Variants in SERINC5 observed in about 807,000 individuals in gnomAD.
SERINC5 encodes serine incorporator 5, also known as chromosome 5 open reading frame 12.
In SERINC5, 41 loss-of-function variants were observed where a neutral mutation model predicts 63.1. The observed-to-expected ratio is 0.65, with a 90% CI of 0.51 to 0.84. The LOEUF is 0.84. SERINC5 is among the 40% of genes least tolerant of loss of function. The pLI, the probability that SERINC5 is intolerant of heterozygous loss-of-function variation, is 0.00. For missense variants in SERINC5, 523 were observed against 573.0 expected, an observed-to-expected ratio of 0.91 and a Z score of 0.89; for synonymous variants, 222 against 215.2, an observed-to-expected ratio of 1.03 and a Z score of -0.28.
intron 1 of SERINC5, among the ~76,000 whole-genome samples, chr5:80,249,998 G>C (rs896905706): frequency 2.6e-5 from 4 of 152,126 alleles, no homozygotes; most frequent in Non-Finnish European, 5.9e-5. Context: ...GAAGCACCAT[G>C]TAATATAATG....
intron 1 of SERINC5, among the ~76,000 whole-genome samples, chr5:80,245,860 C>A (rs1051465326): frequency 6.6e-6 from 1 of 151,682 alleles, no homozygotes; most frequent in African/African-American, 2.4e-5. Flanking sequence ...GGTGATCCAC[C>A]CGCCTCAGCC....
chr5:80,178,537 A>ATTTTTTTTTTTT (rs1182662594), intron 2 of SERINC5, among the ~76,000 whole-genome samples: 1 of 77,554 alleles, frequency 1.3e-5, no homozygotes, highest in African/African-American at 4.8e-5. Context: ...TAATTTTTGT[A>ATTTTTTTTTTTT]TTTTTTTTTT....
At chr5:80,220,699 T>A (rs960296832) in intron 1 of SERINC5, among the ~76,000 whole-genome samples, 2 of 151,968 alleles carry the variant, frequency 1.3e-5, no homozygotes, top group Non-Finnish European at 2.9e-5. Context: ...TCTGAGTCAC[T>A]GCCCTCCATG....
chr5:80,228,386 A>G (rs1751270318), intron 1 of SERINC5, among the ~76,000 whole-genome samples: 1 of 152,150 alleles, frequency 6.6e-6, no homozygotes, highest in South Asian at 2.1e-4. Flanking sequence ...TGAGTTTGGC[A>G]CTTGTAGTAT....
intron 8 of SERINC5, among the ~76,000 whole-genome samples, chr5:80,155,583 A>G (rs1192657961): frequency 1.3e-5 from 2 of 149,902 alleles, no homozygotes; most frequent in Non-Finnish European, 3.0e-5. Context: ...AAAAAAAAAA[A>G]GGAAGAAAGA....
intron 1 of SERINC5, among the ~76,000 whole-genome samples, chr5:80,242,658 G>A (rs1751997594): frequency 6.6e-6 from 1 of 152,204 alleles, no homozygotes; most frequent in Non-Finnish European, 1.5e-5. Context: ...GCTGAGGCAG[G>A]AGAATCACTT....
chr5:80,170,747 G>A (rs1389440650), intron 5 of SERINC5, among the ~76,000 whole-genome samples: 1 of 152,172 alleles, frequency 6.6e-6, no homozygotes, highest in Non-Finnish European at 1.5e-5. Flanking sequence ...CAGGAGAGGT[G>A]GCTCACACCT....
Position 80,228,996 on chromosome 5 carries a change from A to C in SERINC5, c.28-25943T>G, listed in dbSNP as rs1751296056. On this transcript the variant is annotated intron_variant, in intron 1 of 11. Coordinates refer to ENST00000507668, the MANE Select transcript of SERINC5 (RefSeq NM_001174072.3). ...AAATTCAGAGAATTTCTTTTTTCTCAAAATACCACCAATGTTTTACATACC... is the reference window on the plus strand; with the variant it reads ...AAATTCAGAGAATTTCTTTTTTCTCCAAATACCACCAATGTTTTACATACC... Among the ~76,000 whole-genome samples the C allele has an allele frequency of 4.3e-5, 6 of 139,298 alleles. No individual in the cohort carries two copies. The South Asian group carries it at 1.3e-3, about 30-fold the overall frequency. The allele number at this position is 139,298 out of a possible 152,430, so 91.4% of individuals were successfully genotyped here.
In SERINC5 at chr5:80,140,146, C is replaced by T; in HGVS notation, c.*3517G>A. 1.3e-6 allele frequency: 1 copy of T among 777,856 alleles called. No homozygotes were observed. The highest frequency in any genetic ancestry group is 5.9e-5 in the South Asian group (1 of 17,038). The allele number at this position is 777,856 out of a possible 1,614,324, so 48.2% of individuals were successfully genotyped here. A position where few individuals can be genotyped will look rare whatever the true frequency, so the allele number is the denominator to read the frequency against. On this transcript the variant is annotated 3_prime_UTR_variant, in exon 12 of 12. Transcript: ENST00000507668. ...GGAGTTTGAGACCAGCCTGGACAACCCCATCTCTACAAAAAAATAAAAATC... is the reference window on the plus strand; with the variant it reads ...GGAGTTTGAGACCAGCCTGGACAACTCCATCTCTACAAAAAAATAAAAATC...
chr5:80,214,571 C>T (rs889500610), intron 1 of SERINC5, among the ~76,000 whole-genome samples: 12 of 120,114 alleles, frequency 1.0e-4, no homozygotes, highest in Middle Eastern at 4.0e-3. Flanking sequence ...AAAAAAAAAA[C>T]GAACAAAAAA....
intron 1 of SERINC5, among the ~76,000 whole-genome samples, chr5:80,239,256 G>C (rs796407264): frequency 1.1e-4 from 16 of 152,316 alleles, no homozygotes; most frequent in African/African-American, 3.8e-4. Flanking sequence ...ATCAGCAGCT[G>C]TGAGACTTTC....
chr5:80,244,698 C>G (rs550047133), intron 1 of SERINC5, among the ~76,000 whole-genome samples: 3 of 151,926 alleles, frequency 2.0e-5, no homozygotes, highest in Admixed American at 2.0e-4. Context: ...GGCATGCGCC[C>G]GTAATCCCAG....
At chr5:80,182,327 A>C (rs994470122) in intron 2 of SERINC5, among the ~76,000 whole-genome samples, 1 of 152,188 alleles carries the variant, frequency 6.6e-6, no homozygotes, top group East Asian at 1.9e-4. Context: ...TTATTCTGAG[A>C]AGCTGAAGAC....
chr5:80,229,052 G>GGGGGGTGC lies in SERINC5; in HGVS notation c.28-26000_28-25999insGCACCCCC, dbSNP rs1307981763. ...TTTTTTTTTTTTTTTTTTTTTTTTG[G>GGGGGGTGC]GGATGGAGTTGCCTAGGCTGGAGTG... On this transcript the variant is annotated intron_variant, in intron 1 of 11. Coordinates refer to ENST00000507668, the MANE Select transcript of SERINC5 (RefSeq NM_001174072.3). Among the ~76,000 whole-genome samples, 8 of 64,786 alleles carry GGGGGGTGC rather than the reference G, an allele frequency of 1.2e-4. 2 individuals carry two copies. In the Middle Eastern group the frequency reaches 0.031, roughly 248 times the overall value. The allele number at this position is 64,786 out of a possible 152,430, so 42.5% of individuals were successfully genotyped here.
In SERINC5 at chr5:80,140,732, C is replaced by G. The variant is rs370914185; in HGVS notation, c.*2931G>C. 10 of 985,310 alleles carry G rather than the reference C, an allele frequency of 1.0e-5. No homozygotes were observed. Among genetic ancestry groups the G allele is most frequent in the Admixed American group, 6.1e-5 (1 of 16,276 alleles). The allele number at this position is 985,310 out of a possible 1,614,324, so 61.0% of individuals were successfully genotyped here. A position where few individuals can be genotyped will look rare whatever the true frequency, so the allele number is the denominator to read the frequency against. On this transcript the variant is annotated 3_prime_UTR_variant, in exon 12 of 12. Coordinates refer to ENST00000507668, the MANE Select transcript of SERINC5 (RefSeq NM_001174072.3). ...ACACTCCCATAAGAACCCCCACCCCCCTGCCACCCACTTAGTGTTTTTACT... is the reference window on the plus strand; with the variant it reads ...ACACTCCCATAAGAACCCCCACCCCGCTGCCACCCACTTAGTGTTTTTACT...
rs1000020881 is a variant in SERINC5, at chr5:80,207,118, C to T, written c.28-4065G>A. Among the ~76,000 whole-genome samples, 29 of 150,962 alleles carry T rather than the reference C, an allele frequency of 1.9e-4. 1 individual carries two copies. The highest frequency in any genetic ancestry group is 1.5e-4 in the Non-Finnish European group (10 of 68,008). On this transcript the variant is annotated intron_variant, in intron 1 of 11. Coordinates refer to ENST00000507668, the MANE Select transcript of SERINC5 (RefSeq NM_001174072.3). The stretch of plus-strand genomic sequence containing the variant: ...GGTTCACACCATTCTCCTGCCTCAG[C>T]CTCCCGAGTAGCTGGGACTACAGGC...
intron 1 of SERINC5, among the ~76,000 whole-genome samples, chr5:80,220,891 G>A (rs575047331): frequency 1.3e-5 from 2 of 152,266 alleles, no homozygotes; most frequent in East Asian, 1.9e-4. Flanking sequence ...TTTGGGAGGA[G>A]CGTGGATGTA....
chr5:80,232,407 GAAAAAA>G lies in SERINC5; in HGVS notation c.27+23483_27+23488del, dbSNP rs70982043. Among the ~76,000 whole-genome samples the G allele has an allele frequency of 7.7e-4, 85 of 110,362 alleles. 1 individual carries two copies. The highest frequency in any genetic ancestry group is 2.6e-3 in the African/African-American group (81 of 31,270). The allele number at this position is 110,362 out of a possible 152,430, so 72.4% of individuals were successfully genotyped here. A position where few individuals can be genotyped will look rare whatever the true frequency, so the allele number is the denominator to read the frequency against. ...CGACAGAGTGAGACTCTGTCTCAAAGAAAAAAAAAAAAAAAGTGGAAACAACCCAAA... is the reference window on the plus strand; with the variant it reads ...CGACAGAGTGAGACTCTGTCTCAAAGAAAAAAAAAGTGGAAACAACCCAAA... On this transcript the variant is annotated intron_variant, in intron 1 of 11. Coordinates refer to ENST00000507668, the MANE Select transcript of SERINC5 (RefSeq NM_001174072.3).
chr5:80,213,003 G>A (rs769065947), intron 1 of SERINC5, among the ~76,000 whole-genome samples: 1 of 152,060 alleles, frequency 6.6e-6, no homozygotes, highest in African/African-American at 2.4e-5. Flanking sequence ...CCAGCACTTC[G>A]GGAGGCTGAG....
Sources: gnomAD v4.1 joint callset for allele counts (sites outside exome capture counted in the v4.1 genomes callset) on GRCh38, gnomAD v4.1.1 for gene constraint, MANE v1.5 for transcripts, NCBI Gene and HGNC (gene_info 2026-07-23, HGNC 2026-07-21) for gene names.